Variants in ST6GAL1 observed in about 807,000 individuals in gnomAD.
The protein encoded by ST6GAL1 is ST6 beta-galactoside alpha-2,6-sialyltransferase 1.
ST6GAL1 carries 20 observed loss-of-function variants against 38.0 expected under a neutral mutation model. The ratio of observed to expected loss-of-function variants is 0.53; its 90% CI spans 0.37 to 0.77. ST6GAL1 has a LOEUF of 0.77. ST6GAL1 is among the 30% of genes least tolerant of loss of function. The pLI is 0.00. For missense variants in ST6GAL1, 432 were observed against 496.4 expected (o/e 0.87, Z 1.23); for synonymous variants, 196 against 188.2 (o/e 1.04, Z -0.34).
chr3:186,981,220 A>C (rs1350996087), intron 2 of ST6GAL1, among the ~76,000 whole-genome samples: 7 of 152,254 alleles, frequency 4.6e-5, no homozygotes, highest in Non-Finnish European at 2.9e-5. Context: ...GAGGACAGTG[A>C]GCTTTTGTAG....
chr3:186,950,895 C>T (rs1473601378), intron 1 of ST6GAL1, among the ~76,000 whole-genome samples: 12 of 152,206 alleles, frequency 7.9e-5, no homozygotes, highest in East Asian at 3.8e-4. Context: ...TAAAAACAAA[C>T]GTAGAAGCTT....
Position 187,042,800 on chromosome 3 carries a change from A to C in ST6GAL1, c.97A>C (p.Ser33Arg). 6.2e-7 allele frequency: 1 copy of C among 1,614,132 alleles called. No homozygotes were observed. The highest frequency in any genetic ancestry group is 1.1e-5 in the South Asian group (1 of 91,088). Reference protein sequence around the residue: ...ICVWKEKKKGSYYDSFKLQTK... With the variant: ...ICVWKEKKKGRYYDSFKLQTK... Reference sequence around the variant, plus strand: ...TGTGTGGAAGGAAAAGAAGAAAGGGAGTTACTATGATTCCTTTAAATTGCA... The same window carrying C: ...TGTGTGGAAGGAAAAGAAGAAAGGGCGTTACTATGATTCCTTTAAATTGCA... Residue 33 changes from serine to arginine, a missense_variant, in exon 4 of 8, where the codon AGT becomes CGT. Ser to Arg is a moderately radical substitution (Grantham distance 110). Coordinates refer to ENST00000169298, the MANE Select transcript of ST6GAL1 (RefSeq NM_173216.2).
intron 5 of ST6GAL1, among the ~76,000 whole-genome samples, chr3:187,060,453 AC>A (rs1718875567): frequency 6.6e-6 from 1 of 152,120 alleles, no homozygotes; most frequent in Non-Finnish European, 1.5e-5. Flanking sequence ...GAGCCACCTC[AC>A]CCAGCAGGGT....
intron 3 of ST6GAL1, among the ~76,000 whole-genome samples, chr3:187,041,060 G>C (rs926461445): frequency 1.3e-5 from 2 of 151,888 alleles, no homozygotes; most frequent in African/African-American, 2.4e-5. Flanking sequence ...TGGCCCCCAG[G>C]CTGAGCTGCT....
intron 2 of ST6GAL1, among the ~76,000 whole-genome samples, chr3:187,021,023 G>A (rs1197084987): frequency 6.6e-6 from 1 of 150,762 alleles, no homozygotes; most frequent in African/African-American, 2.4e-5. Context: ...GGAGTGCAAT[G>A]GCGTGATCTC....
At chr3:187,007,061 G>A (rs1716807117) in intron 2 of ST6GAL1, among the ~76,000 whole-genome samples, 1 of 152,184 alleles carries the variant, frequency 6.6e-6, no homozygotes, top group Non-Finnish European at 1.5e-5. Flanking sequence ...AAGCTGAATA[G>A]GATGCAAAAA....
chr3:187,037,526 C>G (rs1395371432), intron 2 of ST6GAL1, among the ~76,000 whole-genome samples: 5 of 151,866 alleles, frequency 3.3e-5, no homozygotes, highest in African/African-American at 1.2e-4. Flanking sequence ...TGCTATTTTC[C>G]TACATCGCAT....
intron 1 of ST6GAL1, among the ~76,000 whole-genome samples, chr3:186,941,254 G>T (rs1344702792): frequency 6.6e-6 from 1 of 152,180 alleles, no homozygotes; most frequent in African/African-American, 2.4e-5. Flanking sequence ...GGTAGGGAGG[G>T]AGGAGAGAGA....
intron 2 of ST6GAL1, among the ~76,000 whole-genome samples, chr3:187,020,533 G>A (rs778849530): frequency 1.1e-4 from 17 of 152,108 alleles, no homozygotes; most frequent in Non-Finnish European, 2.2e-4. Context: ...AACATACATC[G>A]GCAAAGTCTT....
intron 2 of ST6GAL1, among the ~76,000 whole-genome samples, chr3:186,976,391 C>T (rs1715522326): frequency 6.6e-6 from 1 of 152,082 alleles, no homozygotes; most frequent in African/African-American, 2.4e-5. Flanking sequence ...TTCTACCAAG[C>T]ATTGTTTTAG....
chr3:187,067,108 G>GT (rs1719186102), intron 5 of ST6GAL1, among the ~76,000 whole-genome samples: 1 of 101,390 alleles, frequency 9.9e-6, no homozygotes, highest in African/African-American at 4.7e-5. Flanking sequence ...TTTTTTTTTT[G>GT]GAGACAGAGT....
intron 1 of ST6GAL1, among the ~76,000 whole-genome samples, chr3:186,945,224 C>G (rs1293445859): frequency 6.6e-6 from 1 of 151,848 alleles, no homozygotes; most frequent in Admixed American, 6.6e-5. Flanking sequence ...GGGAGGATCC[C>G]TTGCCCAGGA....
chr3:187,041,035 C>T (rs1006716637), intron 3 of ST6GAL1, among the ~76,000 whole-genome samples: 3 of 152,196 alleles, frequency 2.0e-5, no homozygotes, highest in African/African-American at 4.8e-5. Flanking sequence ...CTTCACTACC[C>T]GTATCACCTC....
At chr3:187,064,560 C>T (rs1050879023) in intron 5 of ST6GAL1, 1 of 456,590 alleles carries the variant, frequency 2.2e-6, no homozygotes, top group Non-Finnish European at 4.4e-6. Flanking sequence ...AGGAAGGTGG[C>T]CCACTTCCCG....
At chr3:187,004,023 G>T (rs1014659351) in intron 2 of ST6GAL1, among the ~76,000 whole-genome samples, 1 of 152,152 alleles carries the variant, frequency 6.6e-6, no homozygotes, top group Non-Finnish European at 1.5e-5. Flanking sequence ...GAGGTGTTTG[G>T]GTCATGGGTG....
At chr3:187,015,349 A>G (rs937777116) in intron 2 of ST6GAL1, among the ~76,000 whole-genome samples, 1 of 152,224 alleles carries the variant, frequency 6.6e-6, no homozygotes, top group African/African-American at 2.4e-5. Context: ...GGTCAACTAT[A>G]ATATTAGCAA....
chr3:187,067,187 A>G (rs1356460472), intron 5 of ST6GAL1, among the ~76,000 whole-genome samples: 1 of 146,432 alleles, frequency 6.8e-6, no homozygotes, highest in Non-Finnish European at 1.5e-5. Context: ...CCGGGGTTCA[A>G]GCGATTCTCC....
chr3:186,962,583 T>C (rs1052523457), intron 1 of ST6GAL1, among the ~76,000 whole-genome samples: 1 of 152,140 alleles, frequency 6.6e-6, no homozygotes, highest in African/African-American at 2.4e-5. Flanking sequence ...GAGCAGTTTC[T>C]ATGGTACCAG....
chr3:186,974,295 G>GCCGAA (rs1247617631), intron 2 of ST6GAL1, among the ~76,000 whole-genome samples: 1 of 152,164 alleles, frequency 6.6e-6, no homozygotes, highest in Non-Finnish European at 1.5e-5. Flanking sequence ...CACAGGTGCT[G>GCCGAA]CCGATACTGC....
Sources: gnomAD v4.1 joint callset for allele counts (sites outside exome capture counted in the v4.1 genomes callset) on GRCh38, gnomAD v4.1.1 for gene constraint, MANE v1.5 for transcripts, NCBI Gene and HGNC (gene_info 2026-07-23, HGNC 2026-07-21) for gene names.